The following XKR5 variants were observed in gnomAD, a reference collection of about 807,000 sequenced individuals.
XKR5 encodes XK related 5, also known as XK-related protein 5.
A neutral mutation model predicts 40.8 loss-of-function variants in XKR5; 46 were observed. That is an observed-to-expected ratio of 1.13 (90% CI 0.89 to 1.44). The LOEUF (loss-of-function observed/expected upper bound fraction) is 1.44. XKR5 is among the 40% of genes most tolerant of loss of function. The pLI is 0.00. For synonymous variants in XKR5, 466 were observed against 356.1 expected, an observed-to-expected ratio of 1.31 and a Z score of -3.48; for missense variants, 1,169 against 844.7, an observed-to-expected ratio of 1.38 and a Z score of -4.76.
chr8:6,815,230 G>T lies in XKR5; in HGVS notation c.919+577C>A, dbSNP rs1258965741. 2.6e-5 allele frequency among the ~76,000 whole-genome samples: 4 copies of T among 152,166 alleles called. No homozygotes were observed. In the South Asian group the frequency reaches 8.3e-4, roughly 31 times the overall value. ...AACTCATGCCAATCTGGGAAGCGAG[G>T]TCATCACCGTGGGTGTGACACAGAC... On this transcript the variant is annotated intron_variant, in intron 6 of 6. Coordinates refer to ENST00000618742, the MANE Select transcript of XKR5 (RefSeq NM_207411.5).
chr8:6,823,246 C>G (rs563404484), intron 4 of XKR5, among the ~76,000 whole-genome samples: 3 of 152,284 alleles, frequency 2.0e-5, no homozygotes, highest in African/African-American at 7.2e-5. Flanking sequence ...CAATGCTGAG[C>G]CAGTTCTGAG....
rs1160484474 is a variant in XKR5, at chr8:6,811,807, G to A, written c.1452C>T (p.Thr484=). 1 of 1,537,648 alleles carries A rather than the reference G, an allele frequency of 6.5e-7. No individual in the cohort carries two copies. The highest frequency in any genetic ancestry group is 8.7e-7 in the Non-Finnish European group (1 of 1,147,014). ...VPKAEADPLE[T]SSYVSFASDQ... The stretch of plus-strand genomic sequence containing the variant: ...CGCTGGCAAAAGATACGTAACTTGA[G>A]GTTTCCAATGGGTCGGCCTCTGCTT... Residue 484 remains threonine, a synonymous_variant, in exon 7 of 7, where the codon ACC becomes ACT. Transcript: ENST00000618742.
intron 1 of XKR5, among the ~76,000 whole-genome samples, chr8:6,833,846 G>A (rs1563366831): frequency 6.6e-6 from 1 of 152,236 alleles, no homozygotes; most frequent in Non-Finnish European, 1.5e-5. Context: ...CATTGTCAGG[G>A]CTTTCCAGAG....
Position 6,809,478 on chromosome 8 carries a change from G to C in XKR5, c.*1720C>G, listed in dbSNP as rs1803584813. ...TAATTTATGTATTTTTAGTAGTGAT[G>C]GGGTCTCACTACATTGCCCAGGCTG... On this transcript the variant is annotated 3_prime_UTR_variant, in exon 7 of 7. Coordinates refer to ENST00000618742, the MANE Select transcript of XKR5 (RefSeq NM_207411.5). 1 of 151,978 alleles carries C rather than the reference G, an allele frequency of 6.6e-6. No homozygotes were observed. The highest frequency in any genetic ancestry group is 1.5e-5 in the Non-Finnish European group (1 of 67,986). The allele number at this position is 151,978 out of a possible 1,614,324, so 9.4% of individuals were successfully genotyped here. A position where few individuals can be genotyped will look rare whatever the true frequency, so the allele number is the denominator to read the frequency against.
At chr8:6,820,633 T>G (rs1804187453) in intron 5 of XKR5, among the ~76,000 whole-genome samples, 1 of 152,256 alleles carries the variant, frequency 6.6e-6, no homozygotes. Context: ...AGGCTGCTCA[T>G]GCATGACCTG....
chr8:6,824,895 G>A (rs774608095), intron 3 of XKR5, among the ~76,000 whole-genome samples: 4 of 152,160 alleles, frequency 2.6e-5, no homozygotes, highest in Admixed American at 1.3e-4. Context: ...TCTTTCCAAG[G>A]CATTTTGAGG....
chr8:6,823,858 A>C (rs937457210), intron 3 of XKR5, 128 bp from the exon 4 acceptor site: 1 of 785,878 alleles, frequency 1.3e-6, no homozygotes, highest in African/African-American at 1.7e-5. Context: ...CTGCACAGAG[A>C]GTATTACTAA....
intron 1 of XKR5, among the ~76,000 whole-genome samples, chr8:6,833,122 G>A (rs1271435593): frequency 2.6e-5 from 4 of 152,162 alleles, no homozygotes; most frequent in Non-Finnish European, 5.9e-5. Flanking sequence ...AATCTAGCCA[G>A]AGCCAGACCT....
Position 6,812,110 on chromosome 8 carries a change from G to C in XKR5, c.1149C>G (p.Val383=), listed in dbSNP as rs28432964. The change falls in exon 7 of 7, where the codon GTC becomes GTG. Residue 383 remains valine, a synonymous_variant. Coordinates refer to ENST00000618742, the MANE Select transcript of XKR5 (RefSeq NM_207411.5). ...GGGTCCCCAGCCCAGCCTCTGGGGG[G>C]ACCTGCTCAGGGGTAGGGGGCTTCC... is the stretch of plus-strand genomic sequence containing the variant. The part of the protein sequence containing the change: ...ILGKPPTPEQ[V]PPEAGLGTQV... 3 of 1,546,400 alleles carry C rather than the reference G, an allele frequency of 1.9e-6. No individual in the cohort carries two copies. Among genetic ancestry groups the C allele is most frequent in the Non-Finnish European group, 2.6e-6 (3 of 1,146,996 alleles).
rs77606770 is a variant in XKR5 at position 6,827,694 on chromosome 8, A to G, written c.243-2345T>C. Reference sequence around the variant, plus strand: ...TTCACTCTCAAATCATTTGTTCCTGACATGGGGTAGTTTCCTCTTCTTGCT... The same window carrying G: ...TTCACTCTCAAATCATTTGTTCCTGGCATGGGGTAGTTTCCTCTTCTTGCT... On this transcript the variant is annotated intron_variant, in intron 2 of 6. Transcript: ENST00000618742. Among the ~76,000 whole-genome samples the G allele has an allele frequency of 3.3e-4, 50 of 152,298 alleles. 1 individual carries two copies. In the East Asian group the frequency reaches 8.3e-3, roughly 25 times the overall value.
At chr8:6,813,213 C>G (rs1024461667) in intron 6 of XKR5, among the ~76,000 whole-genome samples, 1 of 152,214 alleles carries the variant, frequency 6.6e-6, no homozygotes, top group African/African-American at 2.4e-5. Context: ...GGTTAGTGGC[C>G]AGGCTCCAAC....
chr8:6,823,567 C>T lies in XKR5; in HGVS notation c.591G>A (p.Leu197=). The change falls in exon 4 of 7, where the codon CTG becomes CTA. Residue 197 remains leucine (L), a synonymous_variant. Transcript: ENST00000618742. ...MGMLGTRVLS[L]VLFYKAYHFW... Reference sequence around the variant, plus strand: ...AGTGGTAGGCTTTGTAGAACAGAACCAGACTCAGCACGCGGGTTCCCAACA... The same window carrying T: ...AGTGGTAGGCTTTGTAGAACAGAACTAGACTCAGCACGCGGGTTCCCAACA... 6.3e-7 allele frequency: 1 copy of T among 1,596,824 alleles called. No individual in the cohort carries two copies. The highest frequency in any genetic ancestry group is 8.5e-7 in the Non-Finnish European group (1 of 1,171,736).
intron 5 of XKR5, 35 bp downstream of exon 5, chr8:6,821,834 C>A: frequency 6.3e-7 from 1 of 1,599,554 alleles, no homozygotes; most frequent in Middle Eastern, 1.7e-4. Flanking sequence ...GCTGTATACA[C>A]TGTAAAAGTT....
Position 6,812,319 on chromosome 8 carries a change from A to T in XKR5, c.940T>A (p.Tyr314Asn). Residue 314 changes from tyrosine (Y) to asparagine (N), a missense_variant, in exon 7 of 7, where the codon TAT becomes AAT. By Grantham distance (143) the Tyr-to-Asn change is moderately radical (BLOSUM62 -2). Transcript: ENST00000618742. The stretch of plus-strand genomic sequence containing the variant: ...GATTTTGGATGCAGCAGGCTGTAAT[A>T]AATTACCAGTGAGACACTGCCTGAA... ...FLIGSVSLVI[Y>N]YSLLHPKSTD... 1 of 1,550,114 alleles carries T rather than the reference A, an allele frequency of 6.5e-7. No homozygotes were observed. The highest frequency in any genetic ancestry group is 8.7e-7 in the Non-Finnish European group (1 of 1,146,216).
rs9772979 is a variant in XKR5, at chr8:6,823,734, A to C, written c.428-4T>G. ...CAGGAAAACAGGGTGCTCACCCCTG[A>C]AAGGGAAGCAGAAAGATGTGGTATG... On this transcript the variant is annotated splice_polypyrimidine_tract_variant and splice_region_variant and intron_variant, in intron 3 of 6. Coordinates refer to ENST00000618742, the MANE Select transcript of XKR5 (RefSeq NM_207411.5). 818,400 of 1,563,868 alleles carry C rather than the reference A, an allele frequency of 0.52. 223,406 individuals are homozygous for C. Among genetic ancestry groups the C allele is most frequent in the East Asian group, 0.94 (39,425 of 42,120 alleles).
Position 6,812,215 on chromosome 8 carries a change from G to A in XKR5, c.1044C>T (p.Pro348=), listed in dbSNP as rs1803756911. 2 of 1,551,930 alleles carry A rather than the reference G, an allele frequency of 1.3e-6. No homozygotes were observed. Among genetic ancestry groups the A allele is most frequent in the Non-Finnish European group, 1.7e-6 (2 of 1,147,040 alleles). The change falls in exon 7 of 7, where the codon CCC becomes CCT. Residue 348 remains proline, a synonymous_variant. Coordinates refer to ENST00000618742, the MANE Select transcript of XKR5 (RefSeq NM_207411.5). ...TCTTCCCAGCTAGATCTGTGGCCCG[G>A]GGAGAATCTCTTCTCTCTGTTTTAT... is the stretch of plus-strand genomic sequence containing the variant. ...GGDKTERRDS[P]RATDLAGKRT... is the part of the protein sequence containing the mutation.
At chr8:6,823,247 C>G (rs536739261) in intron 4 of XKR5, among the ~76,000 whole-genome samples, 3 of 152,324 alleles carry the variant, frequency 2.0e-5, no homozygotes, top group African/African-American at 7.2e-5. Context: ...AATGCTGAGC[C>G]AGTTCTGAGC....
At chr8:6,831,552 G>C (rs1804763704) in intron 2 of XKR5, among the ~76,000 whole-genome samples, 2 of 152,140 alleles carry the variant, frequency 1.3e-5, no homozygotes, top group South Asian at 2.1e-4. Context: ...ACTCATTTCA[G>C]TGCCTCCGGA....
At chr8:6,831,919 G>T (rs1326087858) in intron 2 of XKR5, among the ~76,000 whole-genome samples, 1 of 149,348 alleles carries the variant, frequency 6.7e-6, no homozygotes, top group East Asian at 2.0e-4. Flanking sequence ...ACAGGCTGAA[G>T]CAGGAGAATC....
Sources: allele counts gnomAD v4.1 joint callset (sites outside exome capture counted in the v4.1 genomes callset), GRCh38; gene constraint gnomAD v4.1.1; transcripts MANE v1.5; gene names NCBI Gene and HGNC (gene_info 2026-07-23, HGNC 2026-07-21).